Variants in LARP7 observed in about 807,000 individuals in gnomAD.
LARP7 encodes the protein La ribonucleoprotein 7, transcriptional regulator.
In LARP7, 52 loss-of-function variants were observed where a neutral mutation model predicts 69.3. That is an observed-to-expected ratio of 0.75 (90% CI 0.60 to 0.95). LARP7 has a LOEUF of 0.95. Ranked by LOEUF, LARP7 falls within the 40% of genes least tolerant of loss-of-function variation. LARP7 has a pLI of 0.00. For synonymous variants in LARP7, 254 were observed against 215.9 expected, an observed-to-expected ratio of 1.18 and a Z score of -1.55; for missense variants, 733 against 673.0, an observed-to-expected ratio of 1.09 and a Z score of -0.99.
At chr4:112,638,726 T>TAC (rs1415655602) in intron 1 of LARP7, among the ~76,000 whole-genome samples, 5 of 152,334 alleles carry the variant, frequency 3.3e-5, no homozygotes, top group African/African-American at 1.2e-4. Flanking sequence ...ATAGAATAAC[T>TAC]ACATACTCAA....
intron 10 of LARP7, among the ~76,000 whole-genome samples, chr4:112,651,479 A>C (rs1249727039): frequency 6.6e-6 from 1 of 152,204 alleles, no homozygotes; most frequent in African/African-American, 2.4e-5. Flanking sequence ...AAATTGAGGG[A>C]TGTAAATACT....
intron 7 of LARP7, 52 bp downstream of exon 7, chr4:112,647,601 G>A: frequency 2.1e-6 from 3 of 1,459,658 alleles, no homozygotes; most frequent in Non-Finnish European, 1.8e-6. Context: ...TAATTAATTA[G>A]TTTTTAATTA....
intron 9 of LARP7, 74 bp from the exon 10 acceptor site, chr4:112,650,387 G>T (rs918374807): frequency 1.4e-6 from 2 of 1,407,536 alleles, no homozygotes; most frequent in Non-Finnish European, 2.0e-6. Context: ...ATTATTCTAA[G>T]GTAGTCCTCC....
chr4:112,649,286 A>G (rs2048586160), intron 8 of LARP7, among the ~76,000 whole-genome samples: 1 of 152,218 alleles, frequency 6.6e-6, no homozygotes, highest in African/African-American at 2.4e-5. Flanking sequence ...AAATTAAAAT[A>G]CTTCAGACAC....
intron 1 of LARP7, among the ~76,000 whole-genome samples, chr4:112,643,863 GAGA>G (rs1476100820): frequency 1.3e-5 from 2 of 151,446 alleles, no homozygotes; most frequent in Non-Finnish European, 2.9e-5. Flanking sequence ...GAAAAGAGAA[GAGA>G]AGAAGAAAGA....
Position 112,646,365 on chromosome 4 carries a change from C to T in LARP7, c.217C>T (p.Leu73=), listed in dbSNP as rs1193660521. The T allele has an allele frequency of 2.0e-6, 3 of 1,508,504 alleles. No individual in the cohort carries two copies. In the Admixed American group the frequency reaches 5.2e-5, roughly 26 times the overall value. The allele number at this position is 1,508,504 out of a possible 1,614,324, so 93.4% of individuals were successfully genotyped here. A position where few individuals can be genotyped will look rare whatever the true frequency, so the allele number is the denominator to read the frequency against. Residue 73 remains leucine (L), a synonymous_variant, in exon 3 of 13, where the codon CTA becomes TTA. Transcript: ENST00000344442. ...KSRDGYVDIS[L]LVSFNKMKKL... is the part of the protein sequence containing the mutation. The stretch of plus-strand genomic sequence containing the variant: ...ATTTTCTTTAGATGTTGATATATCA[C>T]TACTTGTGTCTTTTAACAAAATGAA...
chr4:112,656,607 CT>C (rs1319094239), intron 12 of LARP7, among the ~76,000 whole-genome samples: 1 of 152,172 alleles, frequency 6.6e-6, no homozygotes, highest in Non-Finnish European at 1.5e-5. Flanking sequence ...GCTTATTTCT[CT>C]TTGGCTTTTA....
chr4:112,651,828 T>C (rs1415648489), intron 10 of LARP7, among the ~76,000 whole-genome samples: 1 of 152,170 alleles, frequency 6.6e-6, no homozygotes, highest in Non-Finnish European at 1.5e-5. Flanking sequence ...ATATATCTTT[T>C]GAGTTGTAGT....
chr4:112,638,449 T>A (rs1348867262), intron 1 of LARP7, among the ~76,000 whole-genome samples: 1 of 152,212 alleles, frequency 6.6e-6, no homozygotes, highest in African/African-American at 2.4e-5. Context: ...ACCCTGTAAC[T>A]CGCTACAGCA....
chr4:112,653,746 C>A (rs1423663197), intron 11 of LARP7, among the ~76,000 whole-genome samples: 1 of 152,122 alleles, frequency 6.6e-6, no homozygotes, highest in African/African-American at 2.4e-5. Flanking sequence ...GCCTTGGCCC[C>A]CCAAAGTGCT....
At chr4:112,655,288 T>G (rs1422187506) in intron 12 of LARP7, 1 of 152,220 alleles carries the variant, frequency 6.6e-6, no homozygotes, top group Non-Finnish European at 1.5e-5. Context: ...TTCTAATTGG[T>G]GTGAAATTTC....
At chr4:112,641,789 C>G (rs1467576530) in intron 1 of LARP7, among the ~76,000 whole-genome samples, 1 of 152,092 alleles carries the variant, frequency 6.6e-6, no homozygotes, top group Non-Finnish European at 1.5e-5. Context: ...CCTATTTTCA[C>G]CATGTTAATT....
chr4:112,647,855 C>T, intron 8 of LARP7, 21 bp downstream of exon 8: 1 of 1,511,804 alleles, frequency 6.6e-7, no homozygotes, highest in African/African-American at 1.4e-5. Flanking sequence ...GGTTTAAATT[C>T]TGTCATTGGC....
At chr4:112,645,119 G>T (rs2048126212) in intron 2 of LARP7, among the ~76,000 whole-genome samples, 1 of 151,628 alleles carries the variant, frequency 6.6e-6, no homozygotes, top group African/African-American at 2.4e-5. Flanking sequence ...GCTAATTTTT[G>T]TATTTTCAGT....
intron 10 of LARP7, among the ~76,000 whole-genome samples, chr4:112,650,971 T>G (rs529037966): frequency 6.6e-6 from 1 of 152,342 alleles, no homozygotes; most frequent in South Asian, 2.1e-4. Context: ...AAACCCATAC[T>G]TCTATATAAT....
rs764744775 is a variant in LARP7 at position 112,647,471 on chromosome 4, G to A, written c.919G>A (p.Ala307Thr). The A allele has an allele frequency of 1.2e-6, 2 of 1,613,890 alleles. No homozygotes were observed. The highest frequency in any genetic ancestry group is 1.7e-6 in the Non-Finnish European group (2 of 1,179,900). The change falls in exon 7 of 13, where the codon GCT becomes ACT. Residue 307 changes from alanine to threonine, a missense_variant. Physicochemically the swap from Ala to Thr is moderately conservative, Grantham distance 58. Transcript: ENST00000344442. ...RSSSEDAESL[A>T]PRSKVKKIIQ... ...CAGCTCTGAAGATGCAGAATCCCTA[G>A]CTCCCCGATCAAAAGTAAAGAAAAT... is the stretch of plus-strand genomic sequence containing the variant.
rs2048098524 is a variant in LARP7, at chr4:112,644,742, A to G, written c.73A>G (p.Lys25Glu). The G allele has an allele frequency of 6.8e-6, 11 of 1,611,252 alleles. No individual in the cohort carries two copies. The highest frequency in any genetic ancestry group is 9.3e-6 in the Non-Finnish European group (11 of 1,178,280). ...ESTEKKKEVEKKKRSRVKQVL... is the reference protein window; with the variant it reads ...ESTEKKKEVEEKKRSRVKQVL... Reference sequence around the variant, plus strand: ...CACTGAAAAGAAAAAAGAAGTTGAAAAAAAGAAACGGTCACGAGTTAAACA... The same window carrying G: ...CACTGAAAAGAAAAAAGAAGTTGAAGAAAAGAAACGGTCACGAGTTAAACA... The change falls in exon 2 of 13, where the codon AAA becomes GAA. Residue 25 changes from lysine (K) to glutamate (E), a missense_variant. Physicochemically the swap from Lys to Glu is moderately conservative, Grantham distance 56 (BLOSUM62 1). Coordinates refer to ENST00000344442, the MANE Select transcript of LARP7 (RefSeq NM_016648.4).
intron 1 of LARP7, among the ~76,000 whole-genome samples, chr4:112,639,759 A>G (rs2047885510): frequency 6.6e-6 from 1 of 152,124 alleles, no homozygotes; most frequent in African/African-American, 2.4e-5. Context: ...TGTAGAAAAC[A>G]CTGGATGGAG....
chr4:112,645,995 GTTT>G (rs370933892), intron 2 of LARP7, among the ~76,000 whole-genome samples: 19 of 134,032 alleles, frequency 1.4e-4, no homozygotes, highest in East Asian at 2.9e-4. Context: ...CCCTCATACA[GTTT>G]TTTTTTGTTT....
Sources: gnomAD v4.1 joint callset for allele counts (sites outside exome capture counted in the v4.1 genomes callset) on GRCh38, gnomAD v4.1.1 for gene constraint, MANE v1.5 for transcripts, NCBI Gene and HGNC (gene_info 2026-07-23, HGNC 2026-07-21) for gene names.